The following STRA8 variants were observed in gnomAD, a reference collection of about 807,000 sequenced individuals.
The protein encoded by STRA8 is stimulated by retinoic acid gene 8 protein homolog.
Under a neutral mutation model 37.1 loss-of-function variants are expected in STRA8, and 18 were observed. The ratio of observed to expected loss-of-function variants is 0.48; its 90% CI spans 0.34 to 0.72. STRA8 has a LOEUF of 0.72. Among genes scored for constraint, STRA8 ranks in the 30% least tolerant of loss-of-function variants. The pLI is 0.01. For missense variants in STRA8, 357 were observed against 410.4 expected, an observed-to-expected ratio of 0.87 and a Z score of 1.13; for synonymous variants, 168 against 162.9, an observed-to-expected ratio of 1.03 and a Z score of -0.24.
chr7:135,237,690 G>A (rs1392669921), intron 1 of STRA8, among the ~76,000 whole-genome samples: 2 of 152,228 alleles, frequency 1.3e-5, no homozygotes, highest in South Asian at 2.1e-4. Flanking sequence ...TCAGGAGTTC[G>A]AGACCAGCCT....
intron 1 of STRA8, among the ~76,000 whole-genome samples, chr7:135,235,643 T>C (rs1832363929): frequency 6.6e-6 from 1 of 152,180 alleles, no homozygotes; most frequent in Non-Finnish European, 1.5e-5. Context: ...GGTTTCACCA[T>C]GTTGGCCAGG....
chr7:135,245,391 CAAGAAGAAGAGGAGGAGG>C lies in STRA8; in HGVS notation c.477_494del (p.Glu173_Glu178del). 1 of 743,906 alleles carries C rather than the reference CAAGAAGAAGAGGAGGAGG, an allele frequency of 1.3e-6. No homozygotes were observed. The allele number at this position is 743,906 out of a possible 1,614,324, so 46.1% of individuals were successfully genotyped here. A position where few individuals can be genotyped will look rare whatever the true frequency, so the allele number is the denominator to read the frequency against. On this transcript the variant is annotated inframe_deletion, in exon 5 of 9. Transcript: ENST00000662584. ...GGAGGAAGATGAGGAAGAGGAAGAT[CAAGAAGAAGAGGAGGAGG>C]AAGAAGAAGAGGAGGAGGAGGAAGA...
chr7:135,236,966 C>T (rs1007873572), intron 1 of STRA8, among the ~76,000 whole-genome samples: 5 of 152,082 alleles, frequency 3.3e-5, no homozygotes, highest in African/African-American at 7.2e-5. Flanking sequence ...ACACAGGTGC[C>T]GATCAAAGAT....
rs1232251666 is a variant in STRA8, at chr7:135,258,614, A to T, written c.*122A>T. 1.1e-5 allele frequency: 8 copies of T among 706,964 alleles called. No individual in the cohort carries two copies. The East Asian group carries it at 2.2e-4, about 20-fold the overall frequency. 43.8% of individuals were successfully genotyped at this position (706,964 alleles called of 1,614,324 possible). A position where few individuals can be genotyped will look rare whatever the true frequency, so the allele number is the denominator to read the frequency against. On this transcript the variant is annotated 3_prime_UTR_variant, in exon 9 of 9. Transcript: ENST00000662584. ...GACTCTTTGGAGTGGGTTGTTCCAG[A>T]AGCATTTTGATGATTTTAGTTTCTG...
rs1554408020 is a variant in STRA8, at chr7:135,252,045, T to TGC, written c.953+177_953+178dup. Among the ~76,000 whole-genome samples the TGC allele has an allele frequency of 2.7e-4, 41 of 151,004 alleles. 1 individual carries two copies. The highest frequency in any genetic ancestry group is 2.0e-3 in the East Asian group (10 of 5,118). Reference sequence around the variant, plus strand: ...GTGTGTGTGTGTGTGTGTGTGTGTGTGCACCCCTGCTGGGGTGTTCAGGGG... The same window carrying TGC: ...GTGTGTGTGTGTGTGTGTGTGTGTGTGCGCACCCCTGCTGGGGTGTTCAGGGG... On this transcript the variant is annotated intron_variant, in intron 7 of 8. Coordinates refer to ENST00000662584, the MANE Select transcript of STRA8 (RefSeq NM_001394401.1).
At chr7:135,239,676 GT>G (rs1240891685) in intron 1 of STRA8, among the ~76,000 whole-genome samples, 3 of 152,148 alleles carry the variant, frequency 2.0e-5, no homozygotes, top group Non-Finnish European at 4.4e-5. Context: ...CCTGGCCCCT[GT>G]ATCTTATTAA....
At chr7:135,241,801 G>C (rs1832468359) in intron 2 of STRA8, among the ~76,000 whole-genome samples, 1 of 152,158 alleles carries the variant, frequency 6.6e-6, no homozygotes, top group African/African-American at 2.4e-5. Flanking sequence ...CCCTGAGAGA[G>C]GGGACTGTCT....
intron 8 of STRA8, among the ~76,000 whole-genome samples, chr7:135,257,182 C>T (rs548567141): frequency 1.3e-5 from 2 of 152,318 alleles, no homozygotes; most frequent in Admixed American, 1.3e-4. Flanking sequence ...GAGGATATCA[C>T]CCTTGGGACC....
intron 1 of STRA8, among the ~76,000 whole-genome samples, chr7:135,235,750 C>A (rs1025169825): frequency 2.0e-5 from 3 of 152,086 alleles, no homozygotes; most frequent in Non-Finnish European, 4.4e-5. Flanking sequence ...CTGATCATGA[C>A]CTTTTAAAAA....
At chr7:135,234,610 TTAGTC>T (rs565758403) in intron 1 of STRA8, among the ~76,000 whole-genome samples, 98 of 152,294 alleles carry the variant, frequency 6.4e-4, no homozygotes, top group African/African-American at 1.9e-3. Flanking sequence ...TTTTTAAAGT[TTAGTC>T]TAGGGAGTTT....
chr7:135,254,523 A>G (rs1452445432), intron 7 of STRA8, among the ~76,000 whole-genome samples: 2 of 152,202 alleles, frequency 1.3e-5, no homozygotes, highest in Non-Finnish European at 2.9e-5. Context: ...GAGCTAACTC[A>G]TCATCTTCTG....
At chr7:135,243,511 C>A in intron 4 of STRA8, 101 bp downstream of exon 4, 1 of 1,011,952 alleles carries the variant, frequency 9.9e-7, no homozygotes, top group Non-Finnish European at 1.5e-6. Flanking sequence ...GCCTGCAGGA[C>A]CATCAGGGCT....
intron 6 of STRA8, among the ~76,000 whole-genome samples, chr7:135,250,894 A>G (rs761785084): frequency 2.6e-5 from 4 of 152,236 alleles, no homozygotes; most frequent in Non-Finnish European, 5.9e-5. Flanking sequence ...TTTCTGTAAC[A>G]TATTTAATAT....
upstream of STRA8, chr7:135,231,995 T>C (rs765127846): frequency 2.2e-5 from 36 of 1,614,032 alleles, no homozygotes; most frequent in Middle Eastern, 6.6e-4. Flanking sequence ...AAGATTGATG[T>C]GGACAAGATC....
In STRA8 at chr7:135,246,730, A is replaced by G. The variant is rs1227517683; in HGVS notation, c.879+28A>G. 4.7e-6 allele frequency: 7 copies of G among 1,497,294 alleles called. No individual in the cohort carries two copies. The highest frequency in any genetic ancestry group is 6.2e-6 in the Non-Finnish European group (7 of 1,131,992). 92.8% of individuals were successfully genotyped at this position (1,497,294 alleles called of 1,614,324 possible). A position where few individuals can be genotyped will look rare whatever the true frequency, so the allele number is the denominator to read the frequency against. ...GAGCAGGCCCACCGGGGTGGCGTGG[A>G]TGGGGCACGGGAACCACCCTCGCCC... On this transcript the variant is annotated intron_variant, in intron 6 of 8. Transcript: ENST00000662584. This position sits in a 1 kb window ranked among gnomAD's most constrained non-coding sequence, Gnocchi z 5.4.
chr7:135,245,414 A>AGAAGAGGAGGAGGAGGAG lies in STRA8; in HGVS notation c.497_498insGGAAGAGGAGGAGGAGGA (p.Glu173_Glu178dup), dbSNP rs1832533157. 5.8e-6 allele frequency: 4 copies of AGAAGAGGAGGAGGAGGAG among 690,176 alleles called. No individual in the cohort carries two copies. The highest frequency in any genetic ancestry group is 1.4e-5 in the South Asian group (1 of 70,928). The allele number at this position is 690,176 out of a possible 1,614,324, so 42.8% of individuals were successfully genotyped here. A position where few individuals can be genotyped will look rare whatever the true frequency, so the allele number is the denominator to read the frequency against. ...ATCAAGAAGAAGAGGAGGAGGAAGA[A>AGAAGAGGAGGAGGAGGAG]GAAGAGGAGGAGGAGGAAGAGGAGG... On this transcript the variant is annotated inframe_insertion, in exon 5 of 9. Transcript: ENST00000662584.
At position 135,239,580 on chromosome 7, in the gene STRA8, C is replaced by A. The variant is rs530712327; in HGVS notation, c.-6-939C>A. Among the ~76,000 whole-genome samples, 31 of 152,292 alleles carry A rather than the reference C, an allele frequency of 2.0e-4. No homozygotes were observed. The South Asian group carries it at 6.4e-3, about 32-fold the overall frequency. On this transcript the variant is annotated intron_variant, in intron 1 of 8. Transcript: ENST00000662584. Reference sequence around the variant, plus strand: ...AGTGACGAAGTCGCAGCCTCCCTGTCCAAAGAGCAGACAGGCTAGTGGGGA... The same window carrying A: ...AGTGACGAAGTCGCAGCCTCCCTGTACAAAGAGCAGACAGGCTAGTGGGGA...
chr7:135,251,860 C>T lies in STRA8; in HGVS notation c.944C>T (p.Ser315Phe). Residue 315 changes from serine to phenylalanine, a missense_variant, in exon 7 of 9, where the codon TCT (serine) becomes TTT (phenylalanine). Ser to Phe is a radical substitution (Grantham distance 155). Transcript: ENST00000662584. ...GACAAAAGTGAGGTTCCGAGTACATCTAGCTCCAGGTGAGGAAGAGGGTGT... is the reference window on the plus strand; with the variant it reads ...GACAAAAGTGAGGTTCCGAGTACATTTAGCTCCAGGTGAGGAAGAGGGTGT... ...FLDKSEVPST[S>F]SSSSVLASCN... 1 of 1,614,094 alleles carries T rather than the reference C, an allele frequency of 6.2e-7. No individual in the cohort carries two copies. The highest frequency in any genetic ancestry group is 8.5e-7 in the Non-Finnish European group (1 of 1,180,000).
At chr7:135,232,354 T>G (rs545096165), upstream of STRA8, among the ~76,000 whole-genome samples, 7 of 151,672 alleles carry the variant, frequency 4.6e-5, no homozygotes, top group African/African-American at 1.7e-4. Context: ...GTGGTGACAA[T>G]TTCCTTAAAG....
Sources: allele counts gnomAD v4.1 joint callset (sites outside exome capture counted in the v4.1 genomes callset), GRCh38; gene constraint gnomAD v4.1.1; non-coding constraint Gnocchi (gnomAD v3.1); transcripts MANE v1.5; gene names NCBI Gene and HGNC (gene_info 2026-07-23, HGNC 2026-07-21).